SPTBN1: variants seen among roughly 807,000 people sequenced by gnomAD.
The protein encoded by SPTBN1 is spectrin beta chain, non-erythrocytic 1.
SPTBN1 carries 32 observed loss-of-function variants against 266.4 expected under a neutral mutation model. The observed-to-expected ratio is 0.12, with a 90% CI of 0.09 to 0.16. The LOEUF (loss-of-function observed/expected upper bound fraction) is 0.16, where lower values mean the gene tolerates loss of function less well. Ranked by LOEUF, SPTBN1 falls within the 10% of genes least tolerant of loss-of-function variation. The pLI is 1.00. For missense variants in SPTBN1, 2,296 were observed against 3,067.1 expected (o/e 0.75, Z 5.94); for synonymous variants, 1,336 against 1,162.2 (o/e 1.15, Z -3.04).
intron 1 of SPTBN1, among the ~76,000 whole-genome samples, chr2:54,468,513 T>C (rs1693756522): frequency 6.6e-6 from 1 of 152,198 alleles, no homozygotes; most frequent in African/African-American, 2.4e-5. Context: ...CATGATGATG[T>C]TCAGCACTCT....
chr2:54,531,231 G>A (rs2104353066), intron 2 of SPTBN1, among the ~76,000 whole-genome samples: 1 of 152,324 alleles, frequency 6.6e-6, no homozygotes, highest in East Asian at 1.9e-4. Flanking sequence ...CCTGGGACTT[G>A]GAACTGGCAT....
chr2:54,649,780 C>A lies in SPTBN1; in HGVS notation c.5368C>A (p.Leu1790Ile). The A allele has an allele frequency of 6.2e-7, 1 of 1,614,184 alleles. No individual in the cohort carries two copies. The highest frequency in any genetic ancestry group is 8.5e-7 in the Non-Finnish European group (1 of 1,180,022). The change falls in exon 26 of 36, where the codon CTC (leucine) becomes ATC (isoleucine). Residue 1790 changes from leucine to isoleucine, a missense_variant. By Grantham distance (5) the Leu-to-Ile change is conservative (BLOSUM62 2). Around this residue, in one of 12 missense-constraint regions of SPTBN1, gnomAD observed 644 missense variants for 745.3 expected, o/e 0.86. Coordinates refer to ENST00000356805, the MANE Select transcript of SPTBN1 (RefSeq NM_003128.3). This position sits in a 1 kb window ranked among gnomAD's most constrained non-coding sequence, Gnocchi z 6.7. Reference protein sequence around the residue: ...KDGLNEAWADLLELIDTRTQI... With the variant: ...KDGLNEAWADILELIDTRTQI... ...TGGCCTCAATGAAGCCTGGGCCGAC[C>A]TCCTGGAGCTCATTGACACAAGAAC...
At chr2:54,508,752 T>A (rs146567642) in intron 1 of SPTBN1, among the ~76,000 whole-genome samples, 2,914 of 152,278 alleles carry the variant, frequency 0.019, 100 homozygotes, top group African/African-American at 0.064. Context: ...CGCTAGCTGC[T>A]TTTTTAGCTA....
chr2:54,499,690 G>T (rs1478996699), intron 1 of SPTBN1, among the ~76,000 whole-genome samples: 1 of 152,204 alleles, frequency 6.6e-6, no homozygotes. Context: ...ACAGGTAATA[G>T]AAGTAATATG....
At chr2:54,560,082 CTG>C (rs1673182387) in intron 2 of SPTBN1, among the ~76,000 whole-genome samples, 1 of 150,444 alleles carries the variant, frequency 6.6e-6, no homozygotes, top group Non-Finnish European at 1.5e-5. Flanking sequence ...GGGAACGGTT[CTG>C]TGTCTCTTTG....
chr2:54,621,581 C>T, intron 8 of SPTBN1, 69 bp downstream of exon 8: 2 of 1,331,074 alleles, frequency 1.5e-6, no homozygotes, highest in Non-Finnish European at 1.1e-6. Context: ...TTCTCCCATG[C>T]ACTCATAAAA....
rs561256159 is a variant in SPTBN1 at position 54,580,504 on chromosome 2, T to C, written c.149-18588T>C. On this transcript the variant is annotated intron_variant, in intron 2 of 35. Coordinates refer to ENST00000356805, the MANE Select transcript of SPTBN1 (RefSeq NM_003128.3). ...CAATTTGAAGCACAGGTCTTGTGAA[T>C]TGGGAAGACCACTAGTATTGCCATT... Among the ~76,000 whole-genome samples the C allele has an allele frequency of 1.2e-4, 18 of 152,256 alleles. No individual in the cohort carries two copies. In the East Asian group the frequency reaches 3.3e-3, roughly 28 times the overall value.
At chr2:54,525,860 T>C (rs1670780574) in intron 1 of SPTBN1, among the ~76,000 whole-genome samples, 1 of 152,216 alleles carries the variant, frequency 6.6e-6, no homozygotes, top group Non-Finnish European at 1.5e-5. Context: ...GCCACCCAAG[T>C]AGCTGGGATT....
chr2:54,611,604 T>C (rs577772393), intron 3 of SPTBN1, among the ~76,000 whole-genome samples: 1 of 152,294 alleles, frequency 6.6e-6, no homozygotes, highest in South Asian at 2.1e-4. Flanking sequence ...CACTCATTTT[T>C]TTCCCTTTTC....
At chr2:54,544,657 T>A (rs1441589676) in intron 2 of SPTBN1, among the ~76,000 whole-genome samples, 3 of 152,144 alleles carry the variant, frequency 2.0e-5, no homozygotes, top group African/African-American at 7.2e-5. Flanking sequence ...AAATACTACA[T>A]CAAAAAGATA....
At chr2:54,555,714 G>T (rs1206504527) in intron 2 of SPTBN1, among the ~76,000 whole-genome samples, 3 of 152,170 alleles carry the variant, frequency 2.0e-5, no homozygotes, top group African/African-American at 7.2e-5. Context: ...TTTCCTCCCA[G>T]CCTGACGGTT....
Position 54,643,090 on chromosome 2 carries a change from A to G in SPTBN1, c.3966A>G (p.Glu1322=), listed in dbSNP as rs748848037. 5.9e-5 allele frequency: 96 copies of G among 1,614,112 alleles called. No individual in the cohort carries two copies. Among genetic ancestry groups the G allele is most frequent in the Non-Finnish European group, 7.8e-5 (92 of 1,180,028 alleles). The change falls in exon 19 of 36, where the codon GAA becomes GAG. Residue 1322 remains glutamate (E), a synonymous_variant. Coordinates refer to ENST00000356805, the MANE Select transcript of SPTBN1 (RefSeq NM_003128.3). The part of the protein sequence containing the change: ...KWLKHQAFMA[E]LASNKEWLDK... ...TGAAGCATCAAGCATTTATGGCAGAACTTGCATCCAACAAAGAATGGCTTG... is the reference window on the plus strand; with the variant it reads ...TGAAGCATCAAGCATTTATGGCAGAGCTTGCATCCAACAAAGAATGGCTTG...
At chr2:54,526,270 G>T in intron 1 of SPTBN1, 102 bp from the exon 2 acceptor site, 1 of 924,240 alleles carries the variant, frequency 1.1e-6, no homozygotes, top group Non-Finnish European at 1.6e-6. Flanking sequence ...CCTATTCTTG[G>T]CAAGCACTGT....
At chr2:54,632,419 C>T in intron 16 of SPTBN1, 147 bp from the exon 17 acceptor site, 8 of 913,772 alleles carry the variant, frequency 8.8e-6, no homozygotes, top group Middle Eastern at 3.3e-4. Context: ...GGTTTTTTTC[C>T]TCCTAACTTT....
intron 2 of SPTBN1, among the ~76,000 whole-genome samples, chr2:54,547,214 T>C (rs1347696749): frequency 6.6e-6 from 1 of 152,230 alleles, no homozygotes; most frequent in Non-Finnish European, 1.5e-5. Flanking sequence ...AGTGGAATCA[T>C]GTAATATTTG....
chr2:54,588,431 C>T (rs890414634), intron 2 of SPTBN1, among the ~76,000 whole-genome samples: 1 of 152,052 alleles, frequency 6.6e-6, no homozygotes. Flanking sequence ...TAAATAGATA[C>T]CATCCCACAC....
At chr2:54,556,207 TC>T (rs1672858183) in intron 2 of SPTBN1, among the ~76,000 whole-genome samples, 2 of 152,228 alleles carry the variant, frequency 1.3e-5, no homozygotes, top group South Asian at 4.1e-4. Flanking sequence ...GTCTTATTCT[TC>T]CCTGGTCCCA....
At chr2:54,485,496 A>T (rs979649852) in intron 1 of SPTBN1, among the ~76,000 whole-genome samples, 2 of 152,136 alleles carry the variant, frequency 1.3e-5, no homozygotes, top group African/African-American at 2.4e-5. Context: ...CTCAGTGCTC[A>T]ATGGTGCCCA....
intron 17 of SPTBN1, among the ~76,000 whole-genome samples, chr2:54,636,682 A>G (rs1423863094): frequency 6.6e-6 from 1 of 152,262 alleles, no homozygotes; most frequent in Non-Finnish European, 1.5e-5. Context: ...TGGTGGATAG[A>G]GGAGAGACCT....
Sources: allele counts gnomAD v4.1 joint callset (sites outside exome capture counted in the v4.1 genomes callset), GRCh38; gene constraint gnomAD v4.1.1; regional missense constraint gnomAD v4.1.1; non-coding constraint Gnocchi (gnomAD v3.1); transcripts MANE v1.5; gene names NCBI Gene and HGNC (gene_info 2026-07-23, HGNC 2026-07-21).